LRIG1: variants seen among roughly 807,000 people sequenced by gnomAD.
LRIG1 encodes the protein leucine rich repeats and immunoglobulin like domains 1.
In LRIG1, 48 loss-of-function variants were observed where a neutral mutation model predicts 99.2. The observed-to-expected ratio is 0.48, with a 90% confidence interval of 0.38 to 0.62. The LOEUF (loss-of-function observed/expected upper bound fraction) is 0.62. LRIG1 is among the 20% of genes least tolerant of loss of function. LRIG1 has a pLI of 0.00. For synonymous variants in LRIG1, 772 were observed against 596.1 expected (o/e 1.29, Z -4.30); for missense variants, 1,646 against 1,434.4 (o/e 1.15, Z -2.38).
chr3:66,416,856 A>G (rs1369648920), intron 4 of LRIG1, among the ~76,000 whole-genome samples: 1 of 152,218 alleles, frequency 6.6e-6, no homozygotes, highest in Non-Finnish European at 1.5e-5. Flanking sequence ...CTTGAGTCCT[A>G]GACTCTCGTC....
intron 2 of LRIG1, among the ~76,000 whole-genome samples, chr3:66,459,305 G>T (rs1700303174): frequency 6.6e-6 from 1 of 152,170 alleles, no homozygotes; most frequent in Admixed American, 6.5e-5. Context: ...GGAACAACAG[G>T]AACAGGGAGT....
intron 12 of LRIG1, among the ~76,000 whole-genome samples, chr3:66,389,015 T>C (rs575695274): frequency 3.3e-5 from 5 of 152,238 alleles, no homozygotes; most frequent in African/African-American, 1.2e-4. Context: ...AAAAGACAAC[T>C]ACATAAACCA....
At chr3:66,465,050 C>CATTCAACATTCAAGTGT (rs1700441019) in intron 1 of LRIG1, among the ~76,000 whole-genome samples, 2 of 152,060 alleles carry the variant, frequency 1.3e-5, no homozygotes, top group Non-Finnish European at 2.9e-5. Context: ...GAAAAGCCAC[C>CATTCAACATTCAAGTGT]TATCAACATT....
At chr3:66,382,145 GCCTTCTACTT>G in intron 16 of LRIG1, 118 bp downstream of exon 16, 2 of 1,056,630 alleles carry the variant, frequency 1.9e-6, no homozygotes, top group South Asian at 2.9e-5. Flanking sequence ...TAGTCATACC[GCCTTCTACTT>G]CACCAAGTTT....
chr3:66,468,664 T>C (rs1700529686), intron 1 of LRIG1, among the ~76,000 whole-genome samples: 1 of 152,156 alleles, frequency 6.6e-6, no homozygotes, highest in Non-Finnish European at 1.5e-5. Context: ...TGGCGATTCA[T>C]CTCTTTCTCA....
chr3:66,432,167 C>G (rs531511502), intron 3 of LRIG1, among the ~76,000 whole-genome samples: 1 of 152,194 alleles, frequency 6.6e-6, no homozygotes, highest in African/African-American at 2.4e-5. Context: ...ACCAGTCCAC[C>G]AGGCACAAAG....
chr3:66,500,595 C>A lies in LRIG1; in HGVS notation c.-188G>T. On this transcript the variant is annotated 5_prime_UTR_variant, in exon 1 of 19. An upstream open reading frame in the 5' UTR gains an earlier in-frame stop. Transcript: ENST00000273261. ...CGTGCCCCCGGTGCCCGGGCCGCTCCGGAGCACCCGGCGGGGGCCGCAAAC... is the reference window on the plus strand; with the variant it reads ...CGTGCCCCCGGTGCCCGGGCCGCTCAGGAGCACCCGGCGGGGGCCGCAAAC... 2.8e-6 allele frequency: 1 copy of A among 353,784 alleles called. No homozygotes were observed. The highest frequency in any genetic ancestry group is 5.0e-6 in the Non-Finnish European group (1 of 199,016). The allele number at this position is 353,784 out of a possible 1,614,324, so 21.9% of individuals were successfully genotyped here. A position where few individuals can be genotyped will look rare whatever the true frequency, so the allele number is the denominator to read the frequency against.
At chr3:66,427,589 C>CA (rs2106732060) in intron 3 of LRIG1, among the ~76,000 whole-genome samples, 1 of 152,288 alleles carries the variant, frequency 6.6e-6, no homozygotes, top group African/African-American at 2.4e-5. Flanking sequence ...TGCTTGCGGC[C>CA]AGGAGTTCGA....
At chr3:66,475,428 C>G (rs1166881048) in intron 1 of LRIG1, among the ~76,000 whole-genome samples, 1 of 152,200 alleles carries the variant, frequency 6.6e-6, no homozygotes, top group Non-Finnish European at 1.5e-5. Flanking sequence ...CTGGAAAAGG[C>G]AGGCACTCAG....
At chr3:66,497,996 C>A in intron 1 of LRIG1, among the ~76,000 whole-genome samples, 1 of 152,164 alleles carries the variant, frequency 6.6e-6, no homozygotes, top group East Asian at 1.9e-4. Context: ...ATAAGACTCA[C>A]GGAGACTAAT....
rs1181764915 is a variant in LRIG1, at chr3:66,500,596, G to A, written c.-189C>T. On this transcript the variant is annotated 5_prime_UTR_variant, in exon 1 of 19. Transcript: ENST00000273261. The stretch of plus-strand genomic sequence containing the variant: ...GTGCCCCCGGTGCCCGGGCCGCTCC[G>A]GAGCACCCGGCGGGGGCCGCAAACC... The A allele has an allele frequency of 2.8e-6, 1 of 356,190 alleles. No individual in the cohort carries two copies. Among genetic ancestry groups the A allele is most frequent in the Non-Finnish European group, 5.0e-6 (1 of 200,656 alleles). The allele number at this position is 356,190 out of a possible 1,614,324, so 22.1% of individuals were successfully genotyped here.
chr3:66,478,483 C>T (rs924784123), intron 1 of LRIG1, among the ~76,000 whole-genome samples: 10 of 152,288 alleles, frequency 6.6e-5, no homozygotes, highest in Middle Eastern at 3.4e-3. Flanking sequence ...GCACCTGCTG[C>T]GTGCCAGGAG....
At chr3:66,483,453 G>A (rs1396160104) in intron 1 of LRIG1, among the ~76,000 whole-genome samples, 1 of 152,250 alleles carries the variant, frequency 6.6e-6, no homozygotes, top group Non-Finnish European at 1.5e-5. Flanking sequence ...GGTCCACAGA[G>A]GGCAGGGTAA....
intron 3 of LRIG1, among the ~76,000 whole-genome samples, chr3:66,438,143 C>T (rs1703420103): frequency 6.6e-6 from 1 of 152,258 alleles, no homozygotes; most frequent in East Asian, 1.9e-4. Flanking sequence ...TTGGGGAACC[C>T]CTGTAGAGAT....
intron 3 of LRIG1, among the ~76,000 whole-genome samples, chr3:66,420,440 T>C (rs895871459): frequency 3.3e-5 from 5 of 152,182 alleles, no homozygotes; most frequent in Admixed American, 2.6e-4. Context: ...AGGCACACCA[T>C]ATGATCCCAC....
rs368642127 is a variant in LRIG1, at chr3:66,405,313, T to C, written c.1080-35A>G. 20 of 1,558,344 alleles carry C rather than the reference T, an allele frequency of 1.3e-5. 1 individual carries two copies. The Admixed American group carries it at 1.5e-4, about 12-fold the overall frequency. ...GGACAGAAAGCAGCTCACCGAGCAG[T>C]CGGGGCGTGAAGGGAAAGCAAACTC... On this transcript the variant is annotated intron_variant, in intron 8 of 18. Transcript: ENST00000273261.
At chr3:66,397,425 G>A (rs1701893758) in intron 11 of LRIG1, among the ~76,000 whole-genome samples, 1 of 140,046 alleles carries the variant, frequency 7.1e-6, no homozygotes, top group African/African-American at 2.6e-5. Context: ...CTTACTGGCT[G>A]TAGAATCAGA....
At chr3:66,467,205 C>T (rs889529755) in intron 1 of LRIG1, among the ~76,000 whole-genome samples, 1 of 152,154 alleles carries the variant, frequency 6.6e-6, no homozygotes. Flanking sequence ...CCAAGGAATC[C>T]GAAGAGCTAA....
At chr3:66,411,673 C>G (rs1342946896) in intron 6 of LRIG1, among the ~76,000 whole-genome samples, 1 of 152,102 alleles carries the variant, frequency 6.6e-6, no homozygotes. Flanking sequence ...GGGCCTAGCT[C>G]GTTTCCACTG....
Sources: gnomAD v4.1 joint callset for allele counts (sites outside exome capture counted in the v4.1 genomes callset) on GRCh38, gnomAD v4.1.1 for gene constraint, MANE v1.5 for transcripts, NCBI Gene and HGNC (gene_info 2026-07-23, HGNC 2026-07-21) for gene names.